The following HHAT variants were observed in gnomAD, a reference collection of about 807,000 sequenced individuals.
The protein encoded by HHAT is protein-cysteine N-palmitoyltransferase HHAT.
Under a neutral mutation model 70.8 loss-of-function variants are expected in HHAT, and 47 were observed. That is an observed-to-expected ratio of 0.66 (90% confidence interval 0.53 to 0.85). The LOEUF (loss-of-function observed/expected upper bound fraction) is 0.85, where lower values mean the gene tolerates loss of function less well. Among genes scored for constraint, HHAT ranks in the 40% least tolerant of loss-of-function variants. The pLI, the probability that HHAT is intolerant of heterozygous loss-of-function variation, is 0.00. For synonymous variants in HHAT, 228 were observed against 247.6 expected (o/e 0.92, Z 0.74); for missense variants, 609 against 604.8 (o/e 1.01, Z -0.07).
At chr1:210,407,037 T>C (rs1033491) in intron 6 of HHAT, among the ~76,000 whole-genome samples, 59,585 of 151,956 alleles carry the variant, frequency 0.39, 11,954 homozygotes, top group African/African-American at 0.47. Context: ...AAAGGATAAA[T>C]GTTCAGTAAG....
intron 7 of HHAT, among the ~76,000 whole-genome samples, chr1:210,448,715 T>C (rs2093686411): frequency 6.6e-6 from 1 of 152,170 alleles, no homozygotes; most frequent in African/African-American, 2.4e-5. Context: ...CCTGTGAAAT[T>C]AAAAAAATTC....
intron 5 of HHAT, among the ~76,000 whole-genome samples, chr1:210,402,376 C>A (rs922125038): frequency 6.6e-6 from 1 of 152,184 alleles, no homozygotes; most frequent in Non-Finnish European, 1.5e-5. Context: ...GCCCAACTGG[C>A]AGGAGCTGTT....
intron 3 of HHAT, among the ~76,000 whole-genome samples, chr1:210,373,935 C>T (rs1457216416): frequency 6.6e-6 from 1 of 152,168 alleles, no homozygotes; most frequent in African/African-American, 2.4e-5. Context: ...TCTGTGTCTC[C>T]AATGTTAATG....
chr1:210,567,290 C>G (rs1435781964), intron 9 of HHAT, among the ~76,000 whole-genome samples: 2 of 152,174 alleles, frequency 1.3e-5, no homozygotes, highest in African/African-American at 4.8e-5. Context: ...GTAATTTTCA[C>G]CAGTGGATGA....
rs145710664 is a variant in HHAT, at chr1:210,386,793, C to T, written c.160-675C>T. ...TGTTGTCAGAGGTTTCTACCTTCTC[C>T]TCCTGGGGAGCTTCATAGATGTGGA... On this transcript the variant is annotated intron_variant, in intron 3 of 11. Coordinates refer to ENST00000261458, the MANE Select transcript of HHAT (RefSeq NM_018194.6). Among the ~76,000 whole-genome samples, 1,353 of 152,306 alleles carry T rather than the reference C, an allele frequency of 8.9e-3. 12 individuals carry two copies. The highest frequency in any genetic ancestry group is 0.016 in the Non-Finnish European group (1,077 of 68,042).
intron 10 of HHAT, among the ~76,000 whole-genome samples, chr1:210,617,308 T>C (rs1261036548): frequency 6.6e-6 from 1 of 152,238 alleles, no homozygotes; most frequent in Non-Finnish European, 1.5e-5. Flanking sequence ...TAAAATGCCT[T>C]CCTATTTTGG....
At chr1:210,522,316 A>G (rs983214559) in intron 9 of HHAT, among the ~76,000 whole-genome samples, 4 of 152,200 alleles carry the variant, frequency 2.6e-5, no homozygotes, top group African/African-American at 9.7e-5. Context: ...TGACTGCAGT[A>G]TCAGTTTCTT....
chr1:210,354,636 A>G (rs924296998), intron 2 of HHAT, among the ~76,000 whole-genome samples: 9 of 152,184 alleles, frequency 5.9e-5, no homozygotes, highest in African/African-American at 2.2e-4. Context: ...TGCTGAGATT[A>G]CATACATGAA....
chr1:210,534,835 A>G (rs1333910665), intron 9 of HHAT, among the ~76,000 whole-genome samples: 4 of 152,208 alleles, frequency 2.6e-5, no homozygotes, highest in Non-Finnish European at 5.9e-5. Flanking sequence ...AGAAAGGTCA[A>G]ATATATAGGG....
chr1:210,475,414 C>T (rs2094289556), intron 8 of HHAT, among the ~76,000 whole-genome samples: 1 of 152,158 alleles, frequency 6.6e-6, no homozygotes, highest in African/African-American at 2.4e-5. Context: ...GTGATATGAT[C>T]ACCCTGTGTT....
At chr1:210,583,969 T>C (rs1256072993) in intron 9 of HHAT, among the ~76,000 whole-genome samples, 1 of 146,088 alleles carries the variant, frequency 6.8e-6, no homozygotes, top group African/African-American at 2.6e-5. Flanking sequence ...TTTTTTTTTT[T>C]TGTGATGGAG....
In HHAT at chr1:210,623,649, T is replaced by C; in HGVS notation, c.1369T>C (p.Trp457Arg). Reference protein sequence around the residue: ...LGGNEVGKTYWNRIFIQGWPW... With the variant: ...LGGNEVGKTYRNRIFIQGWPW... The stretch of plus-strand genomic sequence containing the variant: ...GGGCAATGAGGTTGGGAAAACCTAC[T>C]GGAATAGGATCTTCATACAAGGTAA... The change falls in exon 11 of 12, where the codon TGG becomes CGG. Residue 457 changes from tryptophan to arginine, a missense_variant. Physicochemically the swap from Trp to Arg is moderately radical, Grantham distance 101. Transcript: ENST00000261458. 1 of 1,614,032 alleles carries C rather than the reference T, an allele frequency of 6.2e-7. No homozygotes were observed. Among genetic ancestry groups the C allele is most frequent in the Non-Finnish European group, 8.5e-7 (1 of 1,179,950 alleles).
At chr1:210,601,956 A>AGAGAGAGAGAGAGAGAGAGT (rs374229402) in intron 10 of HHAT, among the ~76,000 whole-genome samples, 22 of 91,174 alleles carry the variant, frequency 2.4e-4, no homozygotes, top group African/African-American at 7.5e-4. Flanking sequence ...AGAGAGAGAG[A>AGAGAGAGAGAGAGAGAGAGT]GTATGTGTGT....
intron 11 of HHAT, among the ~76,000 whole-genome samples, chr1:210,631,969 T>C (rs1409412961): frequency 6.6e-6 from 1 of 152,242 alleles, no homozygotes; most frequent in Admixed American, 6.5e-5. Context: ...ACCTGTTTGG[T>C]ATCATGTAAG....
chr1:210,594,145 G>A (rs1662385026), intron 10 of HHAT, among the ~76,000 whole-genome samples: 1 of 152,070 alleles, frequency 6.6e-6, no homozygotes, highest in Non-Finnish European at 1.5e-5. Flanking sequence ...TGATTGGACA[G>A]TTTAGTCTAT....
intron 9 of HHAT, among the ~76,000 whole-genome samples, chr1:210,573,627 C>T (rs973602224): frequency 3.3e-5 from 5 of 152,104 alleles, no homozygotes; most frequent in Non-Finnish European, 1.5e-5. Flanking sequence ...GTTAAATCTC[C>T]CTTTTCTTTC....
intron 8 of HHAT, among the ~76,000 whole-genome samples, chr1:210,470,190 T>C (rs1251307649): frequency 6.6e-6 from 1 of 152,092 alleles, no homozygotes; most frequent in Non-Finnish European, 1.5e-5. Context: ...AAAGACCCGA[T>C]AGGGTGCTAA....
chr1:210,422,739 G>C (rs774519077), intron 7 of HHAT, among the ~76,000 whole-genome samples: 1 of 152,122 alleles, frequency 6.6e-6, no homozygotes, highest in Non-Finnish European at 1.5e-5. Flanking sequence ...TTGGTTTCAA[G>C]TATTCTCTTA....
intron 11 of HHAT, among the ~76,000 whole-genome samples, chr1:210,656,970 C>T (rs186413281): frequency 2.6e-4 from 40 of 152,348 alleles, no homozygotes; most frequent in Admixed American, 4.6e-4. Context: ...GTGTTCCCCA[C>T]ACCCCTTCTT....
Sources: allele counts gnomAD v4.1 joint callset (sites outside exome capture counted in the v4.1 genomes callset), GRCh38; gene constraint gnomAD v4.1.1; transcripts MANE v1.5; gene names NCBI Gene and HGNC (gene_info 2026-07-23, HGNC 2026-07-21).